The following MDN1 variants were observed in gnomAD, a reference collection of about 807,000 sequenced individuals.
MDN1 encodes the protein midasin AAA ATPase 1.
Under a neutral mutation model 669.2 loss-of-function variants are expected in MDN1, and 266 were observed. That is an observed-to-expected ratio of 0.40 (90% CI 0.36 to 0.44). The LOEUF (loss-of-function observed/expected upper bound fraction) is 0.44. MDN1 is among the 20% of genes least tolerant of loss of function. The probability of loss-of-function intolerance (pLI) is 1.00; values close to 1 mark genes in which losing one functional copy is unlikely to be tolerated. For missense variants in MDN1, 5,940 were observed against 6,754.0 expected, an observed-to-expected ratio of 0.88 and a Z score of 4.22; for synonymous variants, 2,385 against 2,457.1, an observed-to-expected ratio of 0.97 and a Z score of 0.87.
At chr6:89,700,536 TACCCCTCACATC>T in intron 56 of MDN1, 98 bp downstream of exon 56, 1 of 1,038,318 alleles carries the variant, frequency 9.6e-7, no homozygotes, top group Non-Finnish European at 1.4e-6. Context: ...ATATAAACTC[TACCCCTCACATC>T]ACCCAGAAAA....
intron 37 of MDN1, among the ~76,000 whole-genome samples, chr6:89,727,476 T>C (rs2128314425): frequency 6.6e-6 from 1 of 152,276 alleles, no homozygotes; most frequent in South Asian, 2.1e-4. Context: ...TTCCTTAGTC[T>C]CTCCGGTGCA....
intron 65 of MDN1, 140 bp downstream of exon 65, chr6:89,689,730 G>A: frequency 9.5e-7 from 1 of 1,051,194 alleles, no homozygotes; most frequent in Non-Finnish European, 1.3e-6. Context: ...ATCAGCTTCA[G>A]TTCTTTAAGC....
At chr6:89,804,957 A>AC (rs1767916465) in intron 1 of MDN1, among the ~76,000 whole-genome samples, 2 of 138,048 alleles carry the variant, frequency 1.4e-5, no homozygotes, top group Admixed American at 8.1e-5. Flanking sequence ...AATGGTGTGA[A>AC]CCCCGGGAGG....
At chr6:89,794,285 G>T in intron 3 of MDN1, 78 bp from the exon 4 acceptor site, 1 of 795,042 alleles carries the variant, frequency 1.3e-6, no homozygotes, top group Non-Finnish European at 2.0e-6. Flanking sequence ...CTAGCCAACT[G>T]AACACTAGAA....
At chr6:89,710,525 T>C (rs1177404622) in intron 50 of MDN1, among the ~76,000 whole-genome samples, 156 bp downstream of exon 50, 1 of 151,528 alleles carries the variant, frequency 6.6e-6, no homozygotes, top group Non-Finnish European at 1.5e-5. Flanking sequence ...AAAAAGAAAT[T>C]TCAAAAAAAA....
Position 89,762,412 on chromosome 6 carries a change from A to G in MDN1, c.2263T>C (p.Cys755Arg), listed in dbSNP as rs759249447. The G allele has an allele frequency of 6.2e-7, 1 of 1,614,124 alleles. No individual in the cohort carries two copies. Among genetic ancestry groups the G allele is most frequent in the Non-Finnish European group, 8.5e-7 (1 of 1,179,992 alleles). The change falls in exon 16 of 102, where the codon TGT (cysteine) becomes CGT (arginine). Residue 755 changes from cysteine to arginine, a missense_variant. By Grantham distance (180) the Cys-to-Arg change is radical. Transcript: ENST00000369393. ...NFTFLGHIQT[C>R]YRQKRWHDLL... is the part of the protein sequence containing the mutation. ...TCATGCCACCGTTTCTGTCTGTAAC[A>G]GGTCTGAATGTGCCCCAAGAACGTA...
At chr6:89,668,710 A>G (rs1473095737) in intron 83 of MDN1, among the ~76,000 whole-genome samples, 1 of 152,222 alleles carries the variant, frequency 6.6e-6, no homozygotes, top group Non-Finnish European at 1.5e-5. Context: ...ATAAGCTGCT[A>G]ATTAGCAAGG....
intron 23 of MDN1, among the ~76,000 whole-genome samples, chr6:89,750,998 T>A (rs971591463): frequency 6.6e-6 from 1 of 152,164 alleles, no homozygotes; most frequent in South Asian, 2.1e-4. Flanking sequence ...TTCCCCTTTT[T>A]ACATTTCTGG....
intron 37 of MDN1, among the ~76,000 whole-genome samples, chr6:89,726,895 G>A (rs1224767883): frequency 4.6e-5 from 7 of 152,126 alleles, no homozygotes; most frequent in Admixed American, 4.6e-4. Flanking sequence ...AAACACTTCT[G>A]TATATTCCCA....
chr6:89,691,409 A>C (rs757386442), intron 63 of MDN1, among the ~76,000 whole-genome samples: 1 of 152,230 alleles, frequency 6.6e-6, no homozygotes, highest in Non-Finnish European at 1.5e-5. Context: ...AGCACCCACC[A>C]TCTAGGAAGG....
rs202172317 is a variant in MDN1, at chr6:89,677,535, T to C, written c.12539+35A>G. The C allele has an allele frequency of 1.9e-6, 3 of 1,611,296 alleles. No homozygotes were observed. In the African/African-American group the frequency reaches 4.0e-5, roughly 22 times the overall value. On this transcript the variant is annotated intron_variant, in intron 76 of 101. Transcript: ENST00000369393. ...AGTTCTAAATTACTTGCTCCATTTA[T>C]AAGTAGGGAAAAAACAAAACAAAAA... is the stretch of plus-strand genomic sequence containing the variant.
chr6:89,644,284 C>T (rs1808337069), intron 101 of MDN1, 91 bp from the exon 102 acceptor site: 3 of 1,079,078 alleles, frequency 2.8e-6, no homozygotes, highest in African/African-American at 1.6e-5. Flanking sequence ...CTAACTTTTA[C>T]ATCTCCTGTG....
In MDN1 at chr6:89,787,906, G is replaced by A; in HGVS notation, c.1282C>T (p.Arg428Ter). The change falls in exon 8 of 102, where the codon CGA becomes TGA. Residue 428 changes from arginine to a stop codon, truncating the protein, a stop_gained. Coordinates refer to ENST00000369393, the MANE Select transcript of MDN1 (RefSeq NM_014611.3). LOFTEE classifies it high-confidence loss of function. ...LENGELLIPG[R>*]GDCLKVAPGF... Reference sequence around the variant, plus strand: ...GGTGCCACTTTCAGACAGTCACCTCGGCCAGGAATCAAGAGCTCTCCATTC... The same window carrying A: ...GGTGCCACTTTCAGACAGTCACCTCAGCCAGGAATCAAGAGCTCTCCATTC... 6.2e-7 allele frequency: 1 copy of A among 1,613,620 alleles called. No homozygotes were observed. Among genetic ancestry groups the A allele is most frequent in the Non-Finnish European group, 8.5e-7 (1 of 1,180,002 alleles).
chr6:89,683,658 T>A (rs1173983082), intron 72 of MDN1, among the ~76,000 whole-genome samples, 173 bp downstream of exon 72: 1 of 151,874 alleles, frequency 6.6e-6, no homozygotes, highest in East Asian at 2.0e-4. Flanking sequence ...AGACTTTGCT[T>A]GGAGAAGAAG....
rs185449025 is a variant in MDN1 at position 89,819,739 on chromosome 6, C to T, written c.-132G>A. 4.0e-4 allele frequency: 280 copies of T among 700,448 alleles called. 3 individuals are homozygous for T. In the African/African-American group the frequency reaches 4.6e-3, roughly 11 times the overall value. 43.4% of individuals were successfully genotyped at this position (700,448 alleles called of 1,614,324 possible). Reference sequence around the variant, plus strand: ...AGGAAAGGCGTCCTCAGCTCCAGCGCCTACACCGGGAGAGGGGCACCACAC... The same window carrying T: ...AGGAAAGGCGTCCTCAGCTCCAGCGTCTACACCGGGAGAGGGGCACCACAC... On this transcript the variant is annotated 5_prime_UTR_variant, in exon 1 of 102. Coordinates refer to ENST00000369393, the MANE Select transcript of MDN1 (RefSeq NM_014611.3).
In MDN1 at chr6:89,674,577, G is replaced by A. The variant is rs779471482; in HGVS notation, c.12774C>T (p.Ser4258=). 1.9e-6 allele frequency: 3 copies of A among 1,566,506 alleles called. No individual in the cohort carries two copies. Among genetic ancestry groups the A allele is most frequent in the South Asian group, 2.3e-5 (2 of 86,230 alleles). ...GCCTGCTGTGAATCTCTTGCACACA[G>A]CTGAGGAGGTTCCTGTACAGAGAAA... The part of the protein sequence containing the change: ...EQWIILRNLL[S]CVQEIHSRLM... Residue 4258 remains serine (S), a synonymous_variant, in exon 79 of 102, where the codon AGC becomes AGT. Transcript: ENST00000369393.
intron 1 of MDN1, chr6:89,815,340 C>A (rs1316843220): frequency 4.2e-6 from 2 of 475,400 alleles, no homozygotes; most frequent in Admixed American, 4.6e-5. Context: ...TGGATGAAGC[C>A]ATTATGGCGG....
chr6:89,774,520 T>G, intron 13 of MDN1, 101 bp downstream of exon 13: 1 of 828,856 alleles, frequency 1.2e-6, no homozygotes. Flanking sequence ...GATATCACAG[T>G]TCAGACATGT....
chr6:89,656,245 T>C (rs1184621523), intron 91 of MDN1, among the ~76,000 whole-genome samples: 1 of 152,182 alleles, frequency 6.6e-6, no homozygotes, highest in Non-Finnish European at 1.5e-5. Context: ...AAGAAGGAAT[T>C]GGTAACACCA....
Sources: allele counts gnomAD v4.1 joint callset (sites outside exome capture counted in the v4.1 genomes callset), GRCh38; gene constraint gnomAD v4.1.1; transcripts MANE v1.5; gene names NCBI Gene and HGNC (gene_info 2026-07-23, HGNC 2026-07-21).